The following FOXP1 variants were observed in gnomAD, a reference collection of about 807,000 sequenced individuals.
FOXP1 encodes forkhead box P1.
FOXP1 carries 15 observed loss-of-function variants against 98.2 expected under a neutral mutation model. That is an observed-to-expected ratio of 0.15 (90% confidence interval 0.10 to 0.24). The LOEUF (loss-of-function observed/expected upper bound fraction) is 0.24, where lower values mean the gene tolerates loss of function less well. Among genes scored for constraint, FOXP1 ranks in the 10% least tolerant of loss-of-function variants. The probability of loss-of-function intolerance (pLI) is 1.00; values close to 1 mark genes in which losing one functional copy is unlikely to be tolerated. For synonymous variants in FOXP1, 371 were observed against 314.5 expected (o/e 1.18, Z -1.90); for missense variants, 633 against 848.5 (o/e 0.75, Z 3.15).
chr3:71,537,901 T>A (rs998844234), intron 2 of FOXP1, among the ~76,000 whole-genome samples: 1 of 152,218 alleles, frequency 6.6e-6, no homozygotes, highest in East Asian at 1.9e-4. Context: ...ATGAACACGA[T>A]GTGAAATTGA....
intron 10 of FOXP1, among the ~76,000 whole-genome samples, chr3:71,044,753 T>G (rs1217155968): frequency 1.3e-5 from 2 of 152,158 alleles, no homozygotes; most frequent in African/African-American, 4.8e-5. Context: ...AGGCACAGGT[T>G]TAAAAAATGT....
chr3:71,318,999 T>TCATAA (rs2075243721), intron 4 of FOXP1, among the ~76,000 whole-genome samples: 1 of 152,138 alleles, frequency 6.6e-6, no homozygotes, highest in South Asian at 2.1e-4. Context: ...AGAATAGAAT[T>TCATAA]ACAGGGTACC....
chr3:71,540,712 A>G (rs1332098735), intron 2 of FOXP1, among the ~76,000 whole-genome samples: 1 of 152,162 alleles, frequency 6.6e-6, no homozygotes, highest in Non-Finnish European at 1.5e-5. Context: ...CCAAACTGCC[A>G]CCGTTGGCAT....
chr3:71,173,662 T>G (rs2061767614), intron 6 of FOXP1, among the ~76,000 whole-genome samples: 2 of 152,100 alleles, frequency 1.3e-5, no homozygotes, highest in African/African-American at 4.8e-5. Flanking sequence ...ACTATGAATA[T>G]CTAGTAAGGA....
At chr3:71,038,786 C>T (rs113392251) in intron 11 of FOXP1, among the ~76,000 whole-genome samples, 1,720 of 151,866 alleles carry the variant, frequency 0.011, 32 homozygotes, top group African/African-American at 0.04. Flanking sequence ...ACCTCAGCCT[C>T]TCAAGTAACT....
At chr3:70,966,319 A>T in intron 19 of FOXP1, 1 of 501,168 alleles carries the variant, frequency 2.0e-6, no homozygotes, top group South Asian at 2.0e-5. Flanking sequence ...CCTGCTTGGT[A>T]GTCACATGGT....
At chr3:71,278,108 C>T (rs1576725047) in intron 5 of FOXP1, among the ~76,000 whole-genome samples, 1 of 152,252 alleles carries the variant, frequency 6.6e-6, no homozygotes, top group African/African-American at 2.4e-5. Context: ...CCTCTCTGTG[C>T]CTGCGGGAAA....
intron 6 of FOXP1, among the ~76,000 whole-genome samples, chr3:71,149,325 G>A (rs2060463626): frequency 6.6e-6 from 1 of 152,150 alleles, no homozygotes; most frequent in South Asian, 2.1e-4. Flanking sequence ...TAATTCACCA[G>A]CACATTGTAT....
At chr3:71,528,227 G>A (rs986543196) in intron 2 of FOXP1, among the ~76,000 whole-genome samples, 1 of 152,152 alleles carries the variant, frequency 6.6e-6, no homozygotes, top group African/African-American at 2.4e-5. Flanking sequence ...GTAAATTGCT[G>A]ACAAACAGGT....
At position 71,015,560 on chromosome 3, in the gene FOXP1, T is replaced by C. The variant is rs900526015; in HGVS notation, c.963A>G (p.Gln321=). The part of the protein sequence containing the change: ...PGCEAVCEDF[Q]SFLKHLNSEH... ...AAAATCATTCTTACTTTAGAAATGA[T>C]TGGAAATCTTCGCACACTGCTTCAC... Residue 321 remains glutamine (Q), a synonymous_variant, in exon 12 of 21, where the codon CAA becomes CAG. Transcript: ENST00000649528. 1.4e-5 allele frequency: 23 copies of C among 1,607,892 alleles called. No individual in the cohort carries two copies. Among genetic ancestry groups the C allele is most frequent in the Middle Eastern group, 1.6e-4 (1 of 6,072 alleles).
intron 4 of FOXP1, among the ~76,000 whole-genome samples, chr3:71,348,551 G>GCA (rs1491410340): frequency 3.2e-4 from 43 of 133,608 alleles, no homozygotes; most frequent in East Asian, 6.1e-4. Context: ...GTGTGTGTGC[G>GCA]TGCGCGCGCG....
intron 6 of FOXP1, among the ~76,000 whole-genome samples, chr3:71,176,812 AG>A (rs2108254940): frequency 6.6e-6 from 1 of 150,686 alleles, no homozygotes; most frequent in Admixed American, 6.6e-5. Context: ...CTATAATCCC[AG>A]CACTTTGGGA....
intron 3 of FOXP1, among the ~76,000 whole-genome samples, chr3:71,377,471 T>A (rs893328358): frequency 6.6e-6 from 1 of 152,162 alleles, no homozygotes; most frequent in African/African-American, 2.4e-5. Context: ...AACTATAATA[T>A]TTTCAGTTCC....
chr3:71,175,133 C>T (rs1022930126), intron 6 of FOXP1, among the ~76,000 whole-genome samples: 2 of 152,224 alleles, frequency 1.3e-5, no homozygotes, highest in African/African-American at 2.4e-5. Flanking sequence ...AGGCTGGTCT[C>T]GAACTCCTGA....
chr3:70,973,075 A>G lies in FOXP1; in HGVS notation c.1531-399T>C, dbSNP rs186148134. The stretch of plus-strand genomic sequence containing the variant: ...AAGGGGGTATTTTTTTCAAACCACG[A>G]AAGAGGAACACTTGGTTAATACTGC... On this transcript the variant is annotated intron_variant, in intron 17 of 20. Coordinates refer to ENST00000649528, the MANE Select transcript of FOXP1 (RefSeq NM_001349338.3). 3.9e-5 allele frequency among the ~76,000 whole-genome samples: 6 copies of G among 152,314 alleles called. No individual in the cohort carries two copies. The East Asian group carries it at 9.6e-4, about 24-fold the overall frequency.
intron 11 of FOXP1, among the ~76,000 whole-genome samples, chr3:71,036,165 A>G (rs1328462988): frequency 6.6e-6 from 1 of 152,092 alleles, no homozygotes; most frequent in African/African-American, 2.4e-5. Context: ...TACACTAGCC[A>G]GGCGGAAACC....
chr3:71,527,722 A>G (rs574450741), intron 2 of FOXP1, among the ~76,000 whole-genome samples: 2 of 152,352 alleles, frequency 1.3e-5, no homozygotes, highest in East Asian at 3.9e-4. Context: ...TAGGGGGGAA[A>G]AAACAAAGAG....
intron 9 of FOXP1, among the ~76,000 whole-genome samples, chr3:71,048,815 C>G (rs1191047395): frequency 7.6e-6 from 1 of 132,260 alleles, no homozygotes; most frequent in Non-Finnish European, 1.6e-5. Flanking sequence ...GGGGGGGGTA[C>G]AGCTGGAGGT....
chr3:71,579,222 G>A (rs2047954630), intron 2 of FOXP1, among the ~76,000 whole-genome samples: 1 of 151,596 alleles, frequency 6.6e-6, no homozygotes, highest in Non-Finnish European at 1.5e-5. Flanking sequence ...TTTGGGGATA[G>A]TTTATCCCAG....
Sources: allele counts gnomAD v4.1 joint callset (sites outside exome capture counted in the v4.1 genomes callset), GRCh38; gene constraint gnomAD v4.1.1; transcripts MANE v1.5; gene names NCBI Gene and HGNC (gene_info 2026-07-23, HGNC 2026-07-21).